The following FAM210A variants were observed in gnomAD, a reference collection of about 807,000 sequenced individuals.
The protein encoded by FAM210A is family with sequence similarity 210 member A.
A neutral mutation model predicts 25.3 loss-of-function variants in FAM210A; 13 were observed. The ratio of observed to expected loss-of-function variants is 0.51; its 90% CI spans 0.33 to 0.82. The LOEUF (loss-of-function observed/expected upper bound fraction) is 0.82. Ranked by LOEUF, FAM210A falls within the 40% of genes least tolerant of loss-of-function variation. FAM210A has a pLI of 0.02. For synonymous variants in FAM210A, 125 were observed against 118.7 expected (o/e 1.05, Z -0.35); for missense variants, 319 against 323.2 (o/e 0.99, Z 0.10).
At chr18:13,667,923 G>GT (rs1385606201) in intron 3 of FAM210A, among the ~76,000 whole-genome samples, 3 of 152,174 alleles carry the variant, frequency 2.0e-5, no homozygotes, top group African/African-American at 7.2e-5. Context: ...TTAGCCGGGA[G>GT]TAAGTGGCAT....
intron 1 of FAM210A, among the ~76,000 whole-genome samples, chr18:13,688,485 C>A (rs1168722861): frequency 6.6e-6 from 1 of 152,208 alleles, no homozygotes; most frequent in Non-Finnish European, 1.5e-5. Context: ...CTGCCCTTCT[C>A]AGCCCCTTTC....
intron 1 of FAM210A, among the ~76,000 whole-genome samples, chr18:13,695,941 T>C (rs769716783): frequency 6.6e-6 from 1 of 152,214 alleles, no homozygotes; most frequent in Non-Finnish European, 1.5e-5. Flanking sequence ...ACTGTCTTTA[T>C]AGATACTAGC....
intron 1 of FAM210A, among the ~76,000 whole-genome samples, chr18:13,690,168 T>A (rs113486510): frequency 6.6e-6 from 1 of 152,188 alleles, no homozygotes; most frequent in African/African-American, 2.4e-5. Context: ...AGCACAGCAG[T>A]CTGAGATCAA....
chr18:13,674,186 C>T (rs2043471710), intron 2 of FAM210A, among the ~76,000 whole-genome samples: 1 of 146,616 alleles, frequency 6.8e-6, no homozygotes, highest in Non-Finnish European at 1.5e-5. Context: ...GCCCTGGCTT[C>T]TTTATTTCCT....
At position 13,681,794 on chromosome 18, in the gene FAM210A, A is replaced by G; in HGVS notation, c.284T>C (p.Val95Ala). Residue 95 changes from valine (V) to alanine (A), a missense_variant, in exon 2 of 4, where the codon GTT becomes GCT. Physicochemically the swap from Val to Ala is moderately conservative, Grantham distance 64. Coordinates refer to ENST00000651643, the MANE Select transcript of FAM210A (RefSeq NM_152352.4). Reference protein sequence around the residue: ...QGKQHVSFRRVFSSSATAQGT... With the variant: ...QGKQHVSFRRAFSSSATAQGT... ...CTGAGCTGTGGCACTGGATGAAAAA[A>G]CCCTCCTGAATGAAACATGTTGCTT... 1.9e-6 allele frequency: 3 copies of G among 1,613,354 alleles called. No individual in the cohort carries two copies. Among genetic ancestry groups the G allele is most frequent in the Non-Finnish European group, 2.5e-6 (3 of 1,179,868 alleles).
chr18:13,687,477 G>C (rs1255961400), intron 1 of FAM210A, among the ~76,000 whole-genome samples: 4 of 152,186 alleles, frequency 2.6e-5, no homozygotes, highest in Non-Finnish European at 1.5e-5. Flanking sequence ...CTCAGGTATT[G>C]GACGAGTGAG....
In FAM210A at chr18:13,681,722, G is replaced by A. The variant is rs750097013; in HGVS notation, c.356C>T (p.Ser119Phe). 1 of 1,614,154 alleles carries A rather than the reference G, an allele frequency of 6.2e-7. No individual in the cohort carries two copies. Among genetic ancestry groups the A allele is most frequent in the Non-Finnish European group, 8.5e-7 (1 of 1,180,024 alleles). ...CTTGAATCGTTGATAAAGACTAATA[G>A]ATTTGTCTTGCAAAGGATCAGGCTC... Reference protein sequence around the residue: ...KEEPDPLQDKSISLYQRFKKT... With the variant: ...KEEPDPLQDKFISLYQRFKKT... The change falls in exon 2 of 4, where the codon TCT becomes TTT. Residue 119 changes from serine (S) to phenylalanine (F), a missense_variant. Coordinates refer to ENST00000651643, the MANE Select transcript of FAM210A (RefSeq NM_152352.4).
chr18:13,690,135 C>T (rs1035046216), intron 1 of FAM210A, among the ~76,000 whole-genome samples: 17 of 152,228 alleles, frequency 1.1e-4, no homozygotes, highest in African/African-American at 3.4e-4. Context: ...GGGTTGCACC[C>T]CCACGGAGCC....
At chr18:13,707,468 G>C (rs1166151762) in intron 1 of FAM210A, among the ~76,000 whole-genome samples, 12 of 152,238 alleles carry the variant, frequency 7.9e-5, no homozygotes, top group Admixed American at 7.8e-4. Context: ...CCTCTACTCA[G>C]TCCTTGTTCC....
chr18:13,696,597 T>C (rs2043695948), intron 1 of FAM210A, among the ~76,000 whole-genome samples: 1 of 152,206 alleles, frequency 6.6e-6, no homozygotes, highest in East Asian at 1.9e-4. Flanking sequence ...TGACATCATA[T>C]TCACGTGTTT....
At chr18:13,714,360 G>C (rs1453198521) in intron 1 of FAM210A, among the ~76,000 whole-genome samples, 2 of 152,178 alleles carry the variant, frequency 1.3e-5, no homozygotes, top group Non-Finnish European at 2.9e-5. Context: ...TGGAAAAGAA[G>C]ATGGAAAGTC....
intron 1 of FAM210A, among the ~76,000 whole-genome samples, chr18:13,690,692 TCTGA>T (rs1346986071): frequency 1.3e-5 from 2 of 152,210 alleles, no homozygotes; most frequent in East Asian, 1.9e-4. Context: ...AGCTAAGGGT[TCTGA>T]CTGTTAGAAG....
chr18:13,708,619 G>T (rs77665310), intron 1 of FAM210A, among the ~76,000 whole-genome samples: 2,001 of 152,240 alleles, frequency 0.013, 46 homozygotes, highest in African/African-American at 0.045. Flanking sequence ...AGACAAGCAT[G>T]GGGGAAAAAG....
intron 1 of FAM210A, among the ~76,000 whole-genome samples, chr18:13,692,872 C>A (rs2149061824): frequency 6.6e-6 from 1 of 152,148 alleles, no homozygotes; most frequent in East Asian, 1.9e-4. Context: ...CAAAAGCTAG[C>A]AGAAGGCAAG....
At chr18:13,684,355 C>T (rs540025590) in intron 1 of FAM210A, among the ~76,000 whole-genome samples, 31 of 151,756 alleles carry the variant, frequency 2.0e-4, no homozygotes, top group African/African-American at 6.5e-4. Flanking sequence ...CCCGAGGTCG[C>T]GCCACTGCAC....
chr18:13,665,401 A>AAAAAAAAAAAAAAAAAAAAAAC lies in FAM210A; in HGVS notation c.*1078_*1079insGTTTTTTTTTTTTTTTTTTTTT, dbSNP rs2043392248. On this transcript the variant is annotated 3_prime_UTR_variant, in exon 4 of 4. Coordinates refer to ENST00000651643, the MANE Select transcript of FAM210A (RefSeq NM_152352.4). ...CGTCTCAAAAAAAAAAAAAAAAAAA[A>AAAAAAAAAAAAAAAAAAAAAAC]AAAAAATCAAGTAGAATGCTCAAAC... 6.6e-6 allele frequency: 1 copy of AAAAAAAAAAAAAAAAAAAAAAC among 151,086 alleles called. No individual in the cohort carries two copies. The highest frequency in any genetic ancestry group is 1.5e-5 in the Non-Finnish European group (1 of 67,694). 9.4% of individuals were successfully genotyped at this position (151,086 alleles called of 1,614,324 possible).
chr18:13,709,274 T>C (rs893968240), intron 1 of FAM210A, among the ~76,000 whole-genome samples: 2 of 152,198 alleles, frequency 1.3e-5, no homozygotes, highest in African/African-American at 4.8e-5. Flanking sequence ...AGGTCCTAAG[T>C]AATCTGTACC....
At chr18:13,691,714 T>A (rs2043646096) in intron 1 of FAM210A, among the ~76,000 whole-genome samples, 1 of 148,516 alleles carries the variant, frequency 6.7e-6, no homozygotes, top group South Asian at 2.2e-4. Context: ...AGAGATTTTG[T>A]CACCACCAGG....
chr18:13,723,765 C>T (rs1010935988), intron 1 of FAM210A, among the ~76,000 whole-genome samples: 1 of 152,198 alleles, frequency 6.6e-6, no homozygotes, highest in Non-Finnish European at 1.5e-5. Flanking sequence ...CTAATCATCA[C>T]ACACAGTATT....
Sources: allele counts gnomAD v4.1 joint callset (sites outside exome capture counted in the v4.1 genomes callset), GRCh38; gene constraint gnomAD v4.1.1; transcripts MANE v1.5; gene names NCBI Gene and HGNC (gene_info 2026-07-23, HGNC 2026-07-21).